STX1A: variants seen among roughly 807,000 people sequenced by gnomAD.
STX1A encodes the protein syntaxin-1A.
Under a neutral mutation model 37.8 loss-of-function variants are expected in STX1A, and 4 were observed. That is an observed-to-expected ratio of 0.11 (90% CI 0.05 to 0.24). STX1A has a LOEUF of 0.24. Ranked by LOEUF, STX1A falls within the 10% of genes least tolerant of loss-of-function variation. The pLI, the probability that STX1A is intolerant of heterozygous loss-of-function variation, is 1.00. For synonymous variants in STX1A, 135 were observed against 147.4 expected, an observed-to-expected ratio of 0.92 and a Z score of 0.61; for missense variants, 251 against 399.9, an observed-to-expected ratio of 0.63 and a Z score of 3.18.
Position 73,700,763 on chromosome 7 carries a change from C to T in STX1A, c.756G>A (p.Lys252=), listed in dbSNP as rs1554615730. The change falls in exon 9 of 10, where the codon AAG becomes AAA. Residue 252 remains lysine, a synonymous_variant. Transcript: ENST00000222812. This position sits in a 1 kb window ranked among gnomAD's most constrained non-coding sequence, Gnocchi z 4.4. Reference sequence around the variant, plus strand: ...CCTTGCTCTGGTACTTGACGGCCTTCTTGGTGTCAGACACGGCCCTCTCCA... The same window carrying T: ...CCTTGCTCTGGTACTTGACGGCCTTTTTGGTGTCAGACACGGCCCTCTCCA... ...DYVERAVSDT[K]KAVKYQSKAR... is the part of the protein sequence containing the mutation. 3.1e-6 allele frequency: 5 copies of T among 1,613,850 alleles called. 1 individual carries two copies. In the Admixed American group the frequency reaches 6.7e-5, roughly 22 times the overall value.
intron 8 of STX1A, among the ~76,000 whole-genome samples, chr7:73,701,773 G>A (rs1798666487): frequency 6.6e-6 from 1 of 152,100 alleles, no homozygotes; most frequent in African/African-American, 2.4e-5. Context: ...CCTAACCAAG[G>A]CCACATCACT....
chr7:73,704,104 C>T, intron 6 of STX1A, 44 bp downstream of exon 6: 1 of 1,540,700 alleles, frequency 6.5e-7, no homozygotes. Context: ...GGGCCCCGCC[C>T]CTCCAGGCTC....
Position 73,700,156 on chromosome 7 carries a change from T to C in STX1A, c.*251A>G, listed in dbSNP as rs1359662239. 2.3e-5 allele frequency: 13 copies of C among 577,296 alleles called. No individual in the cohort carries two copies. The highest frequency in any genetic ancestry group is 4.0e-5 in the South Asian group (2 of 49,622). The allele number at this position is 577,296 out of a possible 1,614,324, so 35.8% of individuals were successfully genotyped here. ...GGCCCTGCCTGGGTCTGCTCCTCGC[T>C]GTGCACACTGCATCACGCCCCGCTG... On this transcript the variant is annotated 3_prime_UTR_variant, in exon 10 of 10. Coordinates refer to ENST00000222812, the MANE Select transcript of STX1A (RefSeq NM_004603.4). This position sits in a 1 kb window ranked among gnomAD's most constrained non-coding sequence, Gnocchi z 4.4.
At chr7:73,703,517 C>A (rs1297558994) in intron 7 of STX1A, 3 of 694,002 alleles carry the variant, frequency 4.3e-6, no homozygotes, top group Non-Finnish European at 7.9e-6. Context: ...CCGCTGGCCG[C>A]CGGCGAAAGT....
intron 1 of STX1A, among the ~76,000 whole-genome samples, chr7:73,719,346 G>C (rs1554619223): frequency 6.6e-6 from 1 of 152,158 alleles, no homozygotes; most frequent in Non-Finnish European, 1.5e-5. Context: ...GCCCCGAAAA[G>C]TTTATCCAGG....
intron 6 of STX1A, 84 bp from the exon 7 acceptor site, chr7:73,703,912 G>T: frequency 6.8e-7 from 1 of 1,467,032 alleles, no homozygotes. Flanking sequence ...TCCGTCCCAG[G>T]CCCGGGCTCC....
chr7:73,712,741 G>C lies in STX1A; in HGVS notation c.31-3619C>G, dbSNP rs146160234. On this transcript the variant is annotated intron_variant, in intron 1 of 9. Transcript: ENST00000222812. The stretch of plus-strand genomic sequence containing the variant: ...AGAACCTGTGGGTGCCCTCTCCCTG[G>C]GGTACCCCTGCTATAGATTTGAAGG... Among the ~76,000 whole-genome samples, 301 of 152,188 alleles carry C rather than the reference G, an allele frequency of 2.0e-3. 1 individual carries two copies. The highest frequency in any genetic ancestry group is 7.0e-3 in the African/African-American group (290 of 41,514).
At position 73,719,652 on chromosome 7, in the gene STX1A, C is replaced by T; in HGVS notation, c.-21G>A. ...TTCATGCTCCCGGGAGTGGCAGCGG[C>T]GCCGGCTGCAGCCGTGTGAGCCCCG... On this transcript the variant is annotated 5_prime_UTR_variant, in exon 1 of 10. Transcript: ENST00000222812. 2.5e-6 allele frequency: 3 copies of T among 1,185,006 alleles called. No individual in the cohort carries two copies. Among genetic ancestry groups the T allele is most frequent in the South Asian group, 4.2e-5 (1 of 23,918 alleles). The allele number at this position is 1,185,006 out of a possible 1,614,324, so 73.4% of individuals were successfully genotyped here.
rs1798702177 is a variant in STX1A, at chr7:73,702,639, T to C, written c.678+206A>G. ...GGGTGGGGCCATGCAGGGCCTGGGG[T>C]CCTTGAAGCTCAAGCAGAGCCATGC... On this transcript the variant is annotated intron_variant, in intron 8 of 9. Transcript: ENST00000222812. The surrounding 1 kb of genome is among the most constrained non-coding windows in gnomAD (Gnocchi z 4.7). 5 of 1,421,120 alleles carry C rather than the reference T, an allele frequency of 3.5e-6. No homozygotes were observed. The South Asian group carries it at 5.9e-5, about 17-fold the overall frequency. 88.0% of individuals were successfully genotyped at this position (1,421,120 alleles called of 1,614,324 possible).
At position 73,700,085 on chromosome 7, in the gene STX1A, C is replaced by T; in HGVS notation, c.*322G>A. 1 of 443,604 alleles carries T rather than the reference C, an allele frequency of 2.3e-6. No homozygotes were observed. The highest frequency in any genetic ancestry group is 4.2e-6 in the Non-Finnish European group (1 of 240,768). The allele number at this position is 443,604 out of a possible 1,614,324, so 27.5% of individuals were successfully genotyped here. On this transcript the variant is annotated 3_prime_UTR_variant, in exon 10 of 10. Transcript: ENST00000222812. The surrounding 1 kb of genome is among the most constrained non-coding windows in gnomAD (Gnocchi z 4.4). ...CCCAGGGAAGAGCAGAACCTGGGCC[C>T]ACCGAGTTACTGAAGGCAAGGAAGG... is the stretch of plus-strand genomic sequence containing the variant.
chr7:73,715,323 G>A (rs1259602300), intron 1 of STX1A, among the ~76,000 whole-genome samples: 1 of 151,950 alleles, frequency 6.6e-6, no homozygotes, highest in Non-Finnish European at 1.5e-5. Context: ...TCAGGAGGCT[G>A]AGGAAGGAGA....
intron 1 of STX1A, chr7:73,716,483 G>T (rs1563580792): frequency 6.6e-6 from 1 of 152,436 alleles, no homozygotes; most frequent in Admixed American, 6.5e-5. Context: ...CACTTCAGGG[G>T]GCCCCAGACA....
intron 1 of STX1A, chr7:73,716,756 G>T (rs1048473513): frequency 6.6e-6 from 1 of 152,290 alleles, no homozygotes; most frequent in African/African-American, 2.4e-5. Context: ...ACAAATACAT[G>T]TTCTGGGCCC....
At chr7:73,701,548 T>A (rs1158486131) in intron 8 of STX1A, among the ~76,000 whole-genome samples, 20 of 147,806 alleles carry the variant, frequency 1.4e-4, no homozygotes, top group African/African-American at 4.7e-4. Flanking sequence ...AAAAAAAAAA[T>A]AGAACCCCCT....
chr7:73,703,870 G>A, intron 6 of STX1A, 42 bp from the exon 7 acceptor site: 2 of 1,596,480 alleles, frequency 1.3e-6, no homozygotes, highest in Non-Finnish European at 1.7e-6. Flanking sequence ...CCCTCTTCGG[G>A]GAGTTCAGCA....
rs556319166 is a variant in STX1A at position 73,702,011 on chromosome 7, C to G, written c.678+834G>C. Among the ~76,000 whole-genome samples the G allele has an allele frequency of 6.6e-6, 1 of 152,340 alleles. No individual in the cohort carries two copies. Among genetic ancestry groups the G allele is most frequent in the East Asian group, 1.9e-4 (1 of 5,182 alleles). Reference sequence around the variant, plus strand: ...AGCACACTGCCTGCCAAGGCCCCGTCCACCTCGTCTCCAGCTTCATCTCAG... The same window carrying G: ...AGCACACTGCCTGCCAAGGCCCCGTGCACCTCGTCTCCAGCTTCATCTCAG... On this transcript the variant is annotated intron_variant, in intron 8 of 9. Coordinates refer to ENST00000222812, the MANE Select transcript of STX1A (RefSeq NM_004603.4). The surrounding 1 kb of genome is among the most constrained non-coding windows in gnomAD (Gnocchi z 4.7).
Position 73,717,589 on chromosome 7 carries a change from G to T in STX1A, c.30+2013C>A, listed in dbSNP as rs1219432262. Among the ~76,000 whole-genome samples, 1 of 152,076 alleles carries T rather than the reference G, an allele frequency of 6.6e-6. No individual in the cohort carries two copies. The highest frequency in any genetic ancestry group is 2.4e-5 in the African/African-American group (1 of 41,398). On this transcript the variant is annotated intron_variant, in intron 1 of 9. Coordinates refer to ENST00000222812, the MANE Select transcript of STX1A (RefSeq NM_004603.4). The surrounding 1 kb of genome is among the most constrained non-coding windows in gnomAD (Gnocchi z 4.1). ...CCCCACCCCGGGTGGGCTCCTGCCT[G>T]CCAGCCGTCCACCTGTCTGCTAGAA...
chr7:73,704,828 C>T, intron 4 of STX1A: 1 of 519,396 alleles, frequency 1.9e-6, no homozygotes, highest in Non-Finnish European at 3.5e-6. Context: ...GTCTGTTCAC[C>T]CAGAATACCG....
chr7:73,708,262 CAAAAAAAAA>C (rs1157786155), intron 3 of STX1A, among the ~76,000 whole-genome samples: 2 of 49,798 alleles, frequency 4.0e-5, no homozygotes, highest in African/African-American at 1.5e-4. Flanking sequence ...GACTCCATCT[CAAAAAAAAA>C]AAAAAAAAAA....
Sources: allele counts gnomAD v4.1 joint callset (sites outside exome capture counted in the v4.1 genomes callset), GRCh38; gene constraint gnomAD v4.1.1; non-coding constraint Gnocchi (gnomAD v3.1); transcripts MANE v1.5; gene names NCBI Gene and HGNC (gene_info 2026-07-23, HGNC 2026-07-21).